BLTP3B: variants seen among roughly 807,000 people sequenced by gnomAD.
BLTP3B encodes the protein UHRF1 (ICBP90) binding protein 1-like.
the BLTP3B span, among the ~76,000 whole-genome samples, chr12:100,138,866 T>TACACACACACAC: frequency 3.3e-5 from 5 of 150,598 alleles, no homozygotes; most frequent in African/African-American, 1.2e-4. Context: ...CACATACACA[T>TACACACACACAC]ACACACACAC....
chr12:100,047,947 AAATTT>A, the BLTP3B span: 11 of 1,477,538 alleles, frequency 7.4e-6, no homozygotes, highest in Non-Finnish European at 1.8e-6. Flanking sequence ...ACATACTTTT[AAATTT>A]ATTTTCGTGT....
chr12:100,136,774 A>T, the BLTP3B span, among the ~76,000 whole-genome samples: 4 of 150,324 alleles, frequency 2.7e-5, no homozygotes, highest in Non-Finnish European at 4.5e-5. Context: ...ACTCACTTCT[A>T]TGGCCATATC....
the BLTP3B span, among the ~76,000 whole-genome samples, chr12:100,135,907 G>T: frequency 2.0e-5 from 3 of 151,952 alleles, no homozygotes; most frequent in Non-Finnish European, 4.4e-5. Flanking sequence ...CATTATTAGA[G>T]ATTATTTAAA....
At chr12:100,113,104 G>A in the BLTP3B span, among the ~76,000 whole-genome samples, 3 of 151,946 alleles carry the variant, frequency 2.0e-5, no homozygotes, top group Non-Finnish European at 4.4e-5. Flanking sequence ...CCAGGAGGTC[G>A]AGGTTGCAGT....
At chr12:100,098,441 G>A in the BLTP3B span, 2 of 1,614,000 alleles carry the variant, frequency 1.2e-6, no homozygotes, top group Non-Finnish European at 1.7e-6. Context: ...AGCTGAGAAA[G>A]TTCAAATGAT....
the BLTP3B span, among the ~76,000 whole-genome samples, chr12:100,128,347 T>C: frequency 1.3e-5 from 2 of 152,160 alleles, no homozygotes; most frequent in East Asian, 3.9e-4. Flanking sequence ...TGCCAAACCT[T>C]ATCTATTAGA....
the BLTP3B span, among the ~76,000 whole-genome samples, chr12:100,141,257 G>A: frequency 1.3e-5 from 2 of 151,146 alleles, no homozygotes; most frequent in Admixed American, 6.6e-5. Context: ...GCCGAGGACC[G>A]CGGATCACCT....
At chr12:100,040,134 A>G in the BLTP3B span, among the ~76,000 whole-genome samples, 1 of 152,208 alleles carries the variant, frequency 6.6e-6, no homozygotes, top group African/African-American at 2.4e-5. Context: ...CTGACCAAGA[A>G]AAAGAAATTA....
chr12:100,064,879 A>C, the BLTP3B span, among the ~76,000 whole-genome samples: 2 of 151,890 alleles, frequency 1.3e-5, no homozygotes, highest in Non-Finnish European at 2.9e-5. Flanking sequence ...TAAAAAAAAA[A>C]TTAAAAAATT....
chr12:100,130,791 G>T, the BLTP3B span, among the ~76,000 whole-genome samples: 1 of 152,052 alleles, frequency 6.6e-6, no homozygotes, highest in African/African-American at 2.4e-5. Context: ...GGGCATGGTG[G>T]CAAGCACCTG....
At chr12:100,140,735 T>A in the BLTP3B span, among the ~76,000 whole-genome samples, 643 of 92,070 alleles carry the variant, frequency 7.0e-3, 5 homozygotes, top group African/African-American at 0.012. Context: ...AAAAAATATA[T>A]ATATATATAT....
chr12:100,050,305 A>G, the BLTP3B span: 6 of 1,601,308 alleles, frequency 3.7e-6, no homozygotes, highest in Non-Finnish European at 3.4e-6. Flanking sequence ...AATTTTAAAT[A>G]CCACAACGGA....
chr12:100,059,993 C>T, the BLTP3B span: 1 of 1,612,358 alleles, frequency 6.2e-7, no homozygotes, highest in South Asian at 1.1e-5. Flanking sequence ...CTTCTTTCAT[C>T]CACAGTAAAC....
chr12:100,086,207 A>C, the BLTP3B span: 2 of 1,036,750 alleles, frequency 1.9e-6, no homozygotes, highest in Non-Finnish European at 2.7e-6. Flanking sequence ...GATAAAACTA[A>C]ACTAAATAAA....
chr12:100,037,787 AT>A, the BLTP3B span: 4 of 1,544,800 alleles, frequency 2.6e-6, no homozygotes, highest in Non-Finnish European at 3.5e-6. Context: ...GGATAAGATA[AT>A]TTAATCATTT....
the BLTP3B span, among the ~76,000 whole-genome samples, chr12:100,049,697 A>T: frequency 1.3e-5 from 2 of 152,190 alleles, no homozygotes; most frequent in Admixed American, 1.3e-4. Context: ...AATAGAAGGT[A>T]AAAGAAACAG....
At chr12:100,047,002 T>C in the BLTP3B span, among the ~76,000 whole-genome samples, 1 of 152,164 alleles carries the variant, frequency 6.6e-6, no homozygotes, top group East Asian at 1.9e-4. Flanking sequence ...GTACAACAGG[T>C]ACTAAACCAA....
chr12:100,080,631 C>A, the BLTP3B span, among the ~76,000 whole-genome samples: 1 of 152,208 alleles, frequency 6.6e-6, no homozygotes, highest in African/African-American at 2.4e-5. Context: ...CTTGTACCCC[C>A]ACTGTATCTA....
At chr12:100,080,427 A>C in the BLTP3B span, among the ~76,000 whole-genome samples, 1 of 150,270 alleles carries the variant, frequency 6.7e-6, no homozygotes. Context: ...ATCTCAGCTC[A>C]CTGTAAGCTC....
Sources: allele counts gnomAD v4.1 joint callset (sites outside exome capture counted in the v4.1 genomes callset), GRCh38; gene constraint gnomAD v4.1.1; transcripts MANE v1.5; gene names NCBI Gene and HGNC (gene_info 2026-07-23, HGNC 2026-07-21).